SLC23A2: variants seen among roughly 807,000 people sequenced by gnomAD.
SLC23A2 encodes the protein Na(+)/L-ascorbic acid transporter 2.
In SLC23A2, 36 loss-of-function variants were observed where a neutral mutation model predicts 73.3. The ratio of observed to expected loss-of-function variants is 0.49; its 90% CI spans 0.38 to 0.65. The LOEUF (loss-of-function observed/expected upper bound fraction) is 0.65. Ranked by LOEUF, SLC23A2 falls within the 30% of genes least tolerant of loss-of-function variation. SLC23A2 has a pLI of 0.00. For missense variants in SLC23A2, 507 were observed against 841.6 expected (o/e 0.60, Z 4.92); for synonymous variants, 343 against 327.3 (o/e 1.05, Z -0.52).
chr20:5,008,524 C>T (rs1053977577), intron 1 of SLC23A2, among the ~76,000 whole-genome samples: 10 of 152,232 alleles, frequency 6.6e-5, no homozygotes, highest in Admixed American at 1.3e-4. Context: ...CTCTTACCCT[C>T]GAATGACCCC....
rs986622100 is a variant in SLC23A2 at position 4,947,306 on chromosome 20, A to G, written c.-154-14590T>C. 2.0e-5 allele frequency among the ~76,000 whole-genome samples: 3 copies of G among 152,260 alleles called. No homozygotes were observed. Among genetic ancestry groups the G allele is most frequent in the African/African-American group, 7.2e-5 (3 of 41,474 alleles). ...GAAAGGGGAAAGGGAGGGGCAGTAT[A>G]GCAAAAAGTGCAGCCTGCATGACAA... On this transcript the variant is annotated intron_variant, in intron 2 of 16. Coordinates refer to ENST00000338244, the MANE Select transcript of SLC23A2 (RefSeq NM_005116.6). The surrounding 1 kb of genome is among the most constrained non-coding windows in gnomAD (Gnocchi z 4.4).
At chr20:5,009,646 T>C (rs966006265) in intron 1 of SLC23A2, among the ~76,000 whole-genome samples, 2 of 152,138 alleles carry the variant, frequency 1.3e-5, no homozygotes, top group Admixed American at 6.6e-5. Context: ...ATGACTTTAC[T>C]TGTTCCACCA....
intron 1 of SLC23A2, among the ~76,000 whole-genome samples, chr20:4,994,586 C>T (rs1427764022): frequency 2.0e-5 from 3 of 151,986 alleles, no homozygotes; most frequent in Non-Finnish European, 4.4e-5. Flanking sequence ...AGTTCGAGAC[C>T]AGCCTGAACA....
intron 2 of SLC23A2, among the ~76,000 whole-genome samples, chr20:4,936,316 G>A (rs1315675469): frequency 6.6e-6 from 1 of 152,186 alleles, no homozygotes; most frequent in Non-Finnish European, 1.5e-5. Context: ...ATAGGATAGT[G>A]AAATACTGGT....
rs73893851 is a variant in SLC23A2, at chr20:4,869,559, A to C, written c.1250+347T>G. The C allele has an allele frequency of 5.4e-3, 1,123 of 209,238 alleles. 14 individuals carry two copies. The highest frequency in any genetic ancestry group is 0.028 in the African/African-American group (973 of 34,420). The allele number at this position is 209,238 out of a possible 1,614,324, so 13.0% of individuals were successfully genotyped here. A position where few individuals can be genotyped will look rare whatever the true frequency, so the allele number is the denominator to read the frequency against. On this transcript the variant is annotated intron_variant, in intron 12 of 16. Coordinates refer to ENST00000338244, the MANE Select transcript of SLC23A2 (RefSeq NM_005116.6). The stretch of plus-strand genomic sequence containing the variant: ...CCAAATGACACACACACACACACAC[A>C]CCCCAAAAAAAGCAAAGAACAAGTG...
chr20:4,948,478 A>G (rs1279841472), intron 2 of SLC23A2, among the ~76,000 whole-genome samples: 1 of 152,192 alleles, frequency 6.6e-6, no homozygotes, highest in Non-Finnish European at 1.5e-5. Context: ...TCTTCCCTGC[A>G]GACTCTCCCA....
intron 1 of SLC23A2, among the ~76,000 whole-genome samples, chr20:4,999,859 C>T (rs6084957): frequency 0.32 from 49,028 of 152,098 alleles, 8,729 homozygotes; most frequent in Admixed American, 0.4. Flanking sequence ...TCACCCTCCA[C>T]TCTAAGCAAA....
intron 3 of SLC23A2, among the ~76,000 whole-genome samples, chr20:4,917,407 C>A (rs771510774): frequency 6.6e-6 from 1 of 151,980 alleles, no homozygotes; most frequent in African/African-American, 2.4e-5. Context: ...GTGAGTACAG[C>A]GGGGAGATGC....
intron 2 of SLC23A2, among the ~76,000 whole-genome samples, chr20:4,941,850 A>G (rs993844910): frequency 6.6e-6 from 1 of 152,228 alleles, no homozygotes; most frequent in Admixed American, 6.5e-5. Context: ...TAAAAGCAAT[A>G]TATATAATGA....
At chr20:4,881,179 G>A (rs1930868711) in intron 9 of SLC23A2, among the ~76,000 whole-genome samples, 1 of 152,212 alleles carries the variant, frequency 6.6e-6, no homozygotes, top group African/African-American at 2.4e-5. Context: ...TTCAGGGGCA[G>A]GAAAGGAATC....
intron 2 of SLC23A2, among the ~76,000 whole-genome samples, chr20:4,939,525 G>T (rs181069370): frequency 1.3e-5 from 2 of 152,260 alleles, no homozygotes; most frequent in African/African-American, 2.4e-5. Context: ...AGCCTCTTTC[G>T]ATGTGATTGA....
In SLC23A2 at chr20:5,007,539, A is replaced by G. The variant is rs186582862; in HGVS notation, c.-282+2643T>C. ...GAGCAAGACTCAGTGTCAAAAACAAACAAACAAAAAAAGTAAACAATTGTA... is the reference window on the plus strand; with the variant it reads ...GAGCAAGACTCAGTGTCAAAAACAAGCAAACAAAAAAAGTAAACAATTGTA... On this transcript the variant is annotated intron_variant, in intron 1 of 16. Transcript: ENST00000379333. Among the ~76,000 whole-genome samples, 12 of 152,302 alleles carry G rather than the reference A, an allele frequency of 7.9e-5. No homozygotes were observed. The East Asian group carries it at 2.1e-3, about 27-fold the overall frequency.
intron 4 of SLC23A2, among the ~76,000 whole-genome samples, chr20:4,903,919 C>T (rs191004478): frequency 1.3e-5 from 2 of 152,186 alleles, no homozygotes; most frequent in African/African-American, 4.8e-5. Context: ...GTTGTCCAAA[C>T]CCCGCACATT....
chr20:4,963,816 C>T, intron 2 of SLC23A2, among the ~76,000 whole-genome samples: 1 of 152,028 alleles, frequency 6.6e-6, no homozygotes, highest in East Asian at 1.9e-4. Context: ...CCACTGCACT[C>T]CAGCCTGGGT....
At position 4,922,829 on chromosome 20, in the gene SLC23A2, T is replaced by C. The variant is rs1390017810; in HGVS notation, c.108+9626A>G. Among the ~76,000 whole-genome samples, 6 of 141,206 alleles carry C rather than the reference T, an allele frequency of 4.2e-5. No homozygotes were observed. In the East Asian group the frequency reaches 1.5e-3, roughly 35 times the overall value. 92.6% of individuals were successfully genotyped at this position (141,206 alleles called of 152,430 possible). On this transcript the variant is annotated intron_variant, in intron 3 of 16. Coordinates refer to ENST00000338244, the MANE Select transcript of SLC23A2 (RefSeq NM_005116.6). ...CCTGGGTGACAGCAAGACCGTGTCT[T>C]TAAAAAAAAAAAAGCACACACACAC...
At chr20:4,984,342 C>T (rs1306082700) in intron 1 of SLC23A2, among the ~76,000 whole-genome samples, 1 of 152,018 alleles carries the variant, frequency 6.6e-6, no homozygotes, top group Non-Finnish European at 1.5e-5. Context: ...ATCACAAGGT[C>T]AGGAGATCGA....
chr20:4,878,862 ATT>A (rs1313422051), intron 9 of SLC23A2, among the ~76,000 whole-genome samples: 1 of 152,152 alleles, frequency 6.6e-6, no homozygotes, highest in East Asian at 1.9e-4. Context: ...CCACAGTATT[ATT>A]TATGAAGTTG....
intron 2 of SLC23A2, among the ~76,000 whole-genome samples, chr20:4,959,810 GTCTC>G (rs908527526): frequency 3.9e-5 from 6 of 152,002 alleles, no homozygotes; most frequent in African/African-American, 1.2e-4. Flanking sequence ...TAGACACAGG[GTCTC>G]TCTCTGTCAC....
chr20:4,941,151 G>T (rs894702077), intron 2 of SLC23A2, among the ~76,000 whole-genome samples: 2 of 149,558 alleles, frequency 1.3e-5, no homozygotes, highest in African/African-American at 5.0e-5. Context: ...GCAAGACTCT[G>T]TCTCAAAAAA....
Sources: gnomAD v4.1 joint callset for allele counts (sites outside exome capture counted in the v4.1 genomes callset) on GRCh38, gnomAD v4.1.1 for gene constraint, Gnocchi (gnomAD v3.1) non-coding constraint, MANE v1.5 for transcripts, NCBI Gene and HGNC (gene_info 2026-07-23, HGNC 2026-07-21) for gene names.